XKR9: variants seen among roughly 807,000 people sequenced by gnomAD.
XKR9 encodes XK related 9.
XKR9 carries 32 observed loss-of-function variants against 32.0 expected under a neutral mutation model. The ratio of observed to expected loss-of-function variants is 1.00; its 90% CI spans 0.76 to 1.34. The LOEUF (loss-of-function observed/expected upper bound fraction) is 1.34. Among genes scored for constraint, XKR9 ranks in the 40% most tolerant of loss-of-function variants. The probability of loss-of-function intolerance (pLI) is 0.00; values close to 1 mark genes in which losing one functional copy is unlikely to be tolerated. For missense variants in XKR9, 546 were observed against 429.7 expected (o/e 1.27, Z -2.39); for synonymous variants, 168 against 143.4 (o/e 1.17, Z -1.22).
chr8:70,718,262 CTTTG>C (rs1332970218), intron 4 of XKR9, among the ~76,000 whole-genome samples: 3 of 151,634 alleles, frequency 2.0e-5, no homozygotes, highest in Non-Finnish European at 4.4e-5. Flanking sequence ...TTTTGGGTAT[CTTTG>C]TTTATTTATT....
At chr8:70,693,707 G>A (rs1297453098) in intron 3 of XKR9, among the ~76,000 whole-genome samples, 2 of 152,230 alleles carry the variant, frequency 1.3e-5, no homozygotes, top group Non-Finnish European at 2.9e-5. Flanking sequence ...GGTTTGTGCT[G>A]TGGGTCCAAG....
At chr8:70,998,252 C>A in the XKR9 span, among the ~76,000 whole-genome samples, 1 of 152,164 alleles carries the variant, frequency 6.6e-6, no homozygotes, top group Non-Finnish European at 1.5e-5. Flanking sequence ...ATTGAACATG[C>A]ACTCTCTAAT....
intron 3 of XKR9, among the ~76,000 whole-genome samples, chr8:70,699,934 C>G (rs1805454351): frequency 1.3e-5 from 2 of 152,104 alleles, no homozygotes; most frequent in Admixed American, 6.6e-5. Flanking sequence ...TCATTCATTT[C>G]ATCTTCCATC....
the XKR9 span, among the ~76,000 whole-genome samples, chr8:70,877,798 G>C: frequency 6.6e-6 from 1 of 152,046 alleles, no homozygotes; most frequent in Non-Finnish European, 1.5e-5. Context: ...TTCAAATTCA[G>C]GAAATACAGA....
the XKR9 span, among the ~76,000 whole-genome samples, chr8:70,810,495 C>T: frequency 2.6e-5 from 4 of 152,114 alleles, no homozygotes; most frequent in Admixed American, 2.6e-4. Flanking sequence ...CACAGACTGG[C>T]AAATTGGATA....
At chr8:70,839,129 G>A in the XKR9 span, among the ~76,000 whole-genome samples, 1 of 152,078 alleles carries the variant, frequency 6.6e-6, no homozygotes, top group Non-Finnish European at 1.5e-5. Flanking sequence ...AAATGTGGGT[G>A]AAATAATATT....
chr8:70,851,895 A>G, the XKR9 span, among the ~76,000 whole-genome samples: 1 of 152,382 alleles, frequency 6.6e-6, no homozygotes, highest in Middle Eastern at 3.4e-3. Flanking sequence ...TGACTAAAAC[A>G]CCAAAAGCAA....
chr8:71,050,183 G>A, the XKR9 span, among the ~76,000 whole-genome samples: 1 of 148,770 alleles, frequency 6.7e-6, no homozygotes, highest in South Asian at 2.1e-4. Context: ...ATGTCATAGG[G>A]TTGTTATATG....
the XKR9 span, among the ~76,000 whole-genome samples, chr8:70,834,332 T>TATA: frequency 2.6e-5 from 4 of 152,130 alleles, no homozygotes; most frequent in African/African-American, 9.7e-5. Flanking sequence ...ATAGCAGTAT[T>TATA]TATTCTTTCT....
At chr8:70,813,219 C>T in the XKR9 span, among the ~76,000 whole-genome samples, 2 of 152,150 alleles carry the variant, frequency 1.3e-5, no homozygotes, top group Admixed American at 1.3e-4. Context: ...ATAAATGGTG[C>T]TGGGAAAACT....
Position 70,669,372 on chromosome 8 carries a change from C to G in XKR9, c.-527C>G. The G allele has an allele frequency of 4.2e-6, 2 of 478,426 alleles. No homozygotes were observed. Among genetic ancestry groups the G allele is most frequent in the Non-Finnish European group, 7.4e-6 (2 of 269,436 alleles). The allele number at this position is 478,426 out of a possible 1,614,324, so 29.6% of individuals were successfully genotyped here. ...CGTGACGCCGCGCGGGCTGCGCGGGCAGTGGTGGGAAGGCTGGCGCGAGGC... is the reference window on the plus strand; with the variant it reads ...CGTGACGCCGCGCGGGCTGCGCGGGGAGTGGTGGGAAGGCTGGCGCGAGGC... On this transcript the variant is annotated 5_prime_UTR_variant, in exon 1 of 5. Transcript: ENST00000408926.
intron 2 of XKR9, among the ~76,000 whole-genome samples, chr8:70,776,928 T>TCC (rs1807530221): frequency 2.3e-5 from 1 of 44,436 alleles, no homozygotes; most frequent in Non-Finnish European, 3.9e-5. Flanking sequence ...TTTCTTTCTC[T>TCC]CTCTCTCTCT....
rs557975258 is a variant in XKR9 at position 70,705,820 on chromosome 8, C to T, written c.273-1113C>T. 2.2e-4 allele frequency among the ~76,000 whole-genome samples: 34 copies of T among 152,094 alleles called. No individual in the cohort carries two copies. The South Asian group carries it at 6.6e-3, about 30-fold the overall frequency. ...CTTATATGGGGAGCAAGAGTAGAAT[C>T]AGAGAGACCAATTATGAGGTTGTTG... On this transcript the variant is annotated intron_variant, in intron 3 of 4. Coordinates refer to ENST00000408926, the MANE Select transcript of XKR9 (RefSeq NM_001011720.2).
chr8:70,757,652 TC>T (rs1807247439), intron 2 of XKR9, among the ~76,000 whole-genome samples: 1 of 152,176 alleles, frequency 6.6e-6, no homozygotes, highest in Non-Finnish European at 1.5e-5. Flanking sequence ...GGTGCCGCAA[TC>T]TCGGCTCACT....
intron 2 of XKR9, among the ~76,000 whole-genome samples, chr8:70,767,406 T>C (rs1039951683): frequency 6.6e-5 from 10 of 152,136 alleles, no homozygotes; most frequent in Admixed American, 6.5e-4. Context: ...TATAGTATTC[T>C]CTGATGGTAG....
chr8:70,728,593 C>G (rs917802682), intron 4 of XKR9, among the ~76,000 whole-genome samples: 2 of 152,094 alleles, frequency 1.3e-5, no homozygotes, highest in Admixed American at 1.3e-4. Context: ...TTGTAGCCCA[C>G]AAAGAATTTA....
At chr8:70,757,614 T>G (rs759933396) in intron 2 of XKR9, among the ~76,000 whole-genome samples, 1 of 152,072 alleles carries the variant, frequency 6.6e-6, no homozygotes, top group Non-Finnish European at 1.5e-5. Context: ...TATGACAGAG[T>G]CTTGCTCTGT....
intron 2 of XKR9, among the ~76,000 whole-genome samples, chr8:70,780,237 T>C (rs1273598535): frequency 1.3e-5 from 2 of 152,004 alleles, no homozygotes. Flanking sequence ...TTCCATTTTA[T>C]TGTTTTTCAC....
chr8:70,709,918 A>T (rs780065044), intron 4 of XKR9, among the ~76,000 whole-genome samples: 1 of 151,512 alleles, frequency 6.6e-6, no homozygotes, highest in African/African-American at 2.4e-5. Flanking sequence ...TCAAATTATC[A>T]TTTTATACAG....
Sources: allele counts gnomAD v4.1 joint callset (sites outside exome capture counted in the v4.1 genomes callset), GRCh38; gene constraint gnomAD v4.1.1; transcripts MANE v1.5; gene names NCBI Gene and HGNC (gene_info 2026-07-23, HGNC 2026-07-21).